PLPP2: variants seen among roughly 807,000 people sequenced by gnomAD.
PLPP2 encodes PAP2-gamma.
A neutral mutation model predicts 35.2 loss-of-function variants in PLPP2; 29 were observed. The observed-to-expected ratio is 0.82, with a 90% CI of 0.61 to 1.12. PLPP2 has a LOEUF of 1.12. Among genes scored for constraint, PLPP2 ranks in the 50% most tolerant of loss-of-function variants. The pLI is 0.00. For synonymous variants in PLPP2, 162 were observed against 167.0 expected, an observed-to-expected ratio of 0.97 and a Z score of 0.23; for missense variants, 353 against 375.2, an observed-to-expected ratio of 0.94 and a Z score of 0.49.
chr19:288,691 T>C (rs1333601461), intron 1 of PLPP2, among the ~76,000 whole-genome samples: 1 of 152,036 alleles, frequency 6.6e-6, no homozygotes, highest in East Asian at 1.9e-4. Context: ...AGCATCCCTC[T>C]CACAGAAGGA....
At chr19:288,326 G>A (rs1032548201) in intron 1 of PLPP2, 155 bp from the exon 2 acceptor site, 6 of 656,012 alleles carry the variant, frequency 9.1e-6, no homozygotes, top group African/African-American at 4.4e-5. Flanking sequence ...ACTCCCTTTC[G>A]CATCCCCTCA....
chr19:290,611 G>C (rs889127362), intron 1 of PLPP2, among the ~76,000 whole-genome samples: 1 of 152,198 alleles, frequency 6.6e-6, no homozygotes, highest in Non-Finnish European at 1.5e-5. Flanking sequence ...TTGTTCCCGG[G>C]ACCCTGCGGG....
chr19:282,606 G>T, intron 4 of PLPP2, 146 bp downstream of exon 4: 1 of 932,712 alleles, frequency 1.1e-6, no homozygotes, highest in South Asian at 1.6e-5. Flanking sequence ...GGTCAGCCCA[G>T]GGCCTCCCGT....
rs1482959813 is a variant in PLPP2 at position 287,241 on chromosome 19, T to G, written c.482+233A>C. On this transcript the variant is annotated intron_variant, in intron 3 of 5. Coordinates refer to ENST00000434325, the MANE Select transcript of PLPP2 (RefSeq NM_003712.4). This position sits in a 1 kb window ranked among gnomAD's most constrained non-coding sequence, Gnocchi z 4.3. ...CAAAAATATATAACAATTACAAAGG[T>G]AAATGTACTAAACAACAGAACCCCA... 4 of 528,034 alleles carry G rather than the reference T, an allele frequency of 7.6e-6. No individual in the cohort carries two copies. In the East Asian group the frequency reaches 1.2e-4, roughly 16 times the overall value. 32.7% of individuals were successfully genotyped at this position (528,034 alleles called of 1,614,324 possible).
rs961699126 is a variant in PLPP2, at chr19:288,302, A to G, written c.53-131T>C. 20 of 912,296 alleles carry G rather than the reference A, an allele frequency of 2.2e-5. No homozygotes were observed. In the Admixed American group the frequency reaches 6.2e-4, roughly 28 times the overall value. 56.5% of individuals were successfully genotyped at this position (912,296 alleles called of 1,614,324 possible). ...CAGACAGCAAGGAAGAGCTTTTTTC[A>G]CAGCCCAAATAACACTCCCTTTCGC... is the stretch of plus-strand genomic sequence containing the variant. On this transcript the variant is annotated intron_variant, in intron 1 of 5. Transcript: ENST00000434325.
intron 1 of PLPP2, among the ~76,000 whole-genome samples, chr19:290,755 T>TC (rs1970372783): frequency 1.3e-5 from 2 of 151,500 alleles, no homozygotes; most frequent in South Asian, 4.2e-4. Context: ...CCCCAGTGTC[T>TC]CCCCCGCCCG....
chr19:282,940 G>A (rs1189378534), intron 3 of PLPP2, 131 bp from the exon 4 acceptor site: 7 of 753,534 alleles, frequency 9.3e-6, no homozygotes, highest in Non-Finnish European at 6.7e-6. Context: ...CCCAGTAGCA[G>A]AAACTGTTCC....
chr19:287,758 G>A lies in PLPP2; in HGVS notation c.205-7C>T. 1 of 1,612,598 alleles carries A rather than the reference G, an allele frequency of 6.2e-7. No homozygotes were observed. Among genetic ancestry groups the A allele is most frequent in the Non-Finnish European group, 8.5e-7 (1 of 1,179,434 alleles). ...AGGCTTCCCCGGCCGAGACCTGCAA[G>A]AGCAGCCGCAGGAACCAGTGGGGGT... On this transcript the variant is annotated splice_polypyrimidine_tract_variant and splice_region_variant and intron_variant, in intron 2 of 5. Coordinates refer to ENST00000434325, the MANE Select transcript of PLPP2 (RefSeq NM_003712.4). The surrounding 1 kb of genome is among the most constrained non-coding windows in gnomAD (Gnocchi z 4.3).
intron 4 of PLPP2, 24 bp downstream of exon 4, chr19:282,728 C>T (rs780799863): frequency 6.2e-7 from 1 of 1,607,018 alleles, no homozygotes; most frequent in African/African-American, 1.3e-5. Context: ...CCCCGAAAAG[C>T]AAGCCCGGGA....
At chr19:289,572 G>A (rs935416592) in intron 1 of PLPP2, among the ~76,000 whole-genome samples, 1 of 152,066 alleles carries the variant, frequency 6.6e-6, no homozygotes, top group African/African-American at 2.4e-5. Flanking sequence ...AAATTATCTG[G>A]GTGTGGCGGT....
chr19:281,429 C>T lies in PLPP2; in HGVS notation c.826G>A (p.Ala276Thr). 2 of 1,530,002 alleles carry T rather than the reference C, an allele frequency of 1.3e-6. No homozygotes were observed. The highest frequency in any genetic ancestry group is 1.3e-5 in the South Asian group (1 of 76,980). The allele number at this position is 1,530,002 out of a possible 1,614,324, so 94.8% of individuals were successfully genotyped here. A position where few individuals can be genotyped will look rare whatever the true frequency, so the allele number is the denominator to read the frequency against. ...GGGTATCCATAGTGGTTGTGGTCAG[C>T]CTCGCCCAGGGTCAACGTCAGTGAC... ...SLSLTLTLGEADHNHYGYPHS... is the reference protein window; with the variant it reads ...SLSLTLTLGETDHNHYGYPHS... Residue 276 changes from alanine (A) to threonine (T), a missense_variant, in exon 6 of 6, where the codon GCT becomes ACT. Ala to Thr is a moderately conservative substitution (Grantham distance 58, BLOSUM62 0). Coordinates refer to ENST00000434325, the MANE Select transcript of PLPP2 (RefSeq NM_003712.4).
chr19:287,925 G>T lies in PLPP2; in HGVS notation c.204+95C>A. 6.5e-7 allele frequency: 1 copy of T among 1,539,800 alleles called. No homozygotes were observed. On this transcript the variant is annotated intron_variant, in intron 2 of 5. Transcript: ENST00000434325. This position sits in a 1 kb window ranked among gnomAD's most constrained non-coding sequence, Gnocchi z 4.3. The stretch of plus-strand genomic sequence containing the variant: ...TCCCCCGGCCCCACACAGACCTCCA[G>T]GGCAGGGCTGTGCCACCCCCCCATC...
At chr19:290,728 T>G (rs1178091933) in intron 1 of PLPP2, among the ~76,000 whole-genome samples, 1 of 151,808 alleles carries the variant, frequency 6.6e-6, no homozygotes, top group Non-Finnish European at 1.5e-5. Flanking sequence ...ACCCGAAGCC[T>G]GGGACCCAGC....
chr19:282,809 C>T lies in PLPP2; in HGVS notation c.483G>A (p.Arg161=). ...RGNPADVTEA[R]LSFYSGHSSF... ...AAGAGTGTCCCGAGTAGAAAGACAACCTGAGGAAGGAGAAGGGGCAGGTGG... is the reference window on the plus strand; with the variant it reads ...AAGAGTGTCCCGAGTAGAAAGACAATCTGAGGAAGGAGAAGGGGCAGGTGG... The change falls in exon 4 of 6, where the codon AGG becomes AGA. Residue 161 remains arginine, a splice_region_variant and synonymous_variant. Transcript: ENST00000434325. 1 of 1,613,520 alleles carries T rather than the reference C, an allele frequency of 6.2e-7. No homozygotes were observed. The highest frequency in any genetic ancestry group is 8.5e-7 in the Non-Finnish European group (1 of 1,179,688).
rs185289687 is a variant in PLPP2 at position 289,985 on chromosome 19, C to T, written c.52+1300G>A. Among the ~76,000 whole-genome samples, 11 of 152,260 alleles carry T rather than the reference C, an allele frequency of 7.2e-5. 1 individual carries two copies. The highest frequency in any genetic ancestry group is 1.3e-4 in the Non-Finnish European group (9 of 68,008). On this transcript the variant is annotated intron_variant, in intron 1 of 5. Coordinates refer to ENST00000434325, the MANE Select transcript of PLPP2 (RefSeq NM_003712.4). ...CTGCCCCAGCAACTCCAACTAGAGA[C>T]GCAGGCACCCCCATAACGACAGGCG...
intron 1 of PLPP2, chr19:290,876 C>T (rs867141219): frequency 5.2e-6 from 6 of 1,144,348 alleles, no homozygotes. Flanking sequence ...GGAGCGCCCA[C>T]CCCAGGGGCG....
chr19:287,269 A>T lies in PLPP2; in HGVS notation c.482+205T>A. The T allele has an allele frequency of 1.6e-6, 1 of 628,970 alleles. No individual in the cohort carries two copies. The highest frequency in any genetic ancestry group is 2.7e-6 in the Non-Finnish European group (1 of 374,324). 39.0% of individuals were successfully genotyped at this position (628,970 alleles called of 1,614,324 possible). ...ATGTACTAAACAACAGAACCCCAAA[A>T]TACTTAAAGCAAAAACTGACAGAAT... On this transcript the variant is annotated intron_variant, in intron 3 of 5. Coordinates refer to ENST00000434325, the MANE Select transcript of PLPP2 (RefSeq NM_003712.4). This position sits in a 1 kb window ranked among gnomAD's most constrained non-coding sequence, Gnocchi z 4.3.
rs560210640 is a variant in PLPP2, at chr19:287,882, A to G, written c.205-131T>C. 2.7e-5 allele frequency: 41 copies of G among 1,504,948 alleles called. No individual in the cohort carries two copies. In the African/African-American group the frequency reaches 5.3e-4, roughly 19 times the overall value. The allele number at this position is 1,504,948 out of a possible 1,614,324, so 93.2% of individuals were successfully genotyped here. A position where few individuals can be genotyped will look rare whatever the true frequency, so the allele number is the denominator to read the frequency against. ...GGGGGCCCTATTACCCACAGGTACC[A>G]CTCAGGGCAAGGCTGTGTCCCCCGG... On this transcript the variant is annotated intron_variant, in intron 2 of 5. Transcript: ENST00000434325. This position sits in a 1 kb window ranked among gnomAD's most constrained non-coding sequence, Gnocchi z 4.3.
Position 287,474 on chromosome 19 carries a change from C to G in PLPP2, c.482G>C (p.Arg161Thr), listed in dbSNP as rs1305054836. 1 of 1,606,110 alleles carries G rather than the reference C, an allele frequency of 6.2e-7. No individual in the cohort carries two copies. The highest frequency in any genetic ancestry group is 8.5e-7 in the Non-Finnish European group (1 of 1,174,058). ...GTGAAGGCTGCTGGTCCACACCCAC[C>G]TGGCCTCGGTGACATCAGCAGGGTT... ...RGNPADVTEA[R>T]LSFYSGHSSF... is the part of the protein sequence containing the mutation. The change falls in exon 3 of 6, where the codon AGG (arginine) becomes ACG (threonine). Residue 161 changes from arginine to threonine, a missense_variant and splice_region_variant. Arg to Thr is a moderately conservative substitution (Grantham distance 71, BLOSUM62 -1). Coordinates refer to ENST00000434325, the MANE Select transcript of PLPP2 (RefSeq NM_003712.4). This position sits in a 1 kb window ranked among gnomAD's most constrained non-coding sequence, Gnocchi z 4.3.
Sources: allele counts gnomAD v4.1 joint callset (sites outside exome capture counted in the v4.1 genomes callset), GRCh38; gene constraint gnomAD v4.1.1; non-coding constraint Gnocchi (gnomAD v3.1); transcripts MANE v1.5; gene names NCBI Gene and HGNC (gene_info 2026-07-23, HGNC 2026-07-21).